Variants in SOX13 observed in about 807,000 individuals in gnomAD.
The protein encoded by SOX13 is transcription factor SOX-13.
Under a neutral mutation model 71.8 loss-of-function variants are expected in SOX13, and 28 were observed. The ratio of observed to expected loss-of-function variants is 0.39; its 90% CI spans 0.29 to 0.53. SOX13 has a LOEUF of 0.53. SOX13 is among the 20% of genes least tolerant of loss of function. The pLI, the probability that SOX13 is intolerant of heterozygous loss-of-function variation, is 0.70. For synonymous variants in SOX13, 309 were observed against 317.8 expected, an observed-to-expected ratio of 0.97 and a Z score of 0.29; for missense variants, 627 against 810.3, an observed-to-expected ratio of 0.77 and a Z score of 2.75.
In SOX13 at chr1:204,112,605, G is replaced by T. The variant is rs529579439; in HGVS notation, c.-1-310G>T. ...GTCAGTATCTGGCCTCGTTAGTTGG[G>T]CCGTCAGTCCACTAGTCCCGTAGTC... is the stretch of plus-strand genomic sequence containing the variant. On this transcript the variant is annotated intron_variant, in intron 1 of 13. Coordinates refer to ENST00000367204, the MANE Select transcript of SOX13 (RefSeq NM_005686.3). 9.5e-4 allele frequency among the ~76,000 whole-genome samples: 144 copies of T among 152,160 alleles called. No individual in the cohort carries two copies. In the Middle Eastern group the frequency reaches 0.01, roughly 11 times the overall value.
chr1:204,112,482 G>A (rs1156634205), intron 1 of SOX13, among the ~76,000 whole-genome samples: 1 of 139,934 alleles, frequency 7.1e-6, no homozygotes, highest in African/African-American at 2.6e-5. Context: ...AACATGCACA[G>A]ACACATGCAC....
intron 13 of SOX13, 128 bp downstream of exon 13, chr1:204,124,985 G>T: frequency 1.4e-6 from 1 of 694,342 alleles, no homozygotes; most frequent in Non-Finnish European, 2.5e-6. Flanking sequence ...ATGCGTACGT[G>T]TGTGTGTTAT....
At chr1:204,099,031 G>C (rs1656308870) in intron 1 of SOX13, among the ~76,000 whole-genome samples, 1 of 152,228 alleles carries the variant, frequency 6.6e-6, no homozygotes, top group Non-Finnish European at 1.5e-5. Context: ...TGGTTCCCTT[G>C]ACTTCCATTG....
At chr1:204,075,060 A>G (rs184626911) in intron 1 of SOX13, among the ~76,000 whole-genome samples, 20 of 152,098 alleles carry the variant, frequency 1.3e-4, no homozygotes, top group Admixed American at 1.1e-3. Context: ...GTGGGTCTCT[A>G]CCTCCCGGAG....
intron 1 of SOX13, among the ~76,000 whole-genome samples, chr1:204,103,618 GC>G (rs1388226425): frequency 6.6e-6 from 1 of 152,240 alleles, no homozygotes; most frequent in Non-Finnish European, 1.5e-5. Context: ...CCCCCAAGGG[GC>G]CTTTGACATG....
At chr1:204,120,644 A>G (rs1287175888) in intron 7 of SOX13, among the ~76,000 whole-genome samples, 1 of 152,132 alleles carries the variant, frequency 6.6e-6, no homozygotes, top group Non-Finnish European at 1.5e-5. Context: ...TACTTGCCCA[A>G]ATCCTGCCCA....
chr1:204,119,689 A>C (rs1278317813), intron 7 of SOX13: 1 of 152,254 alleles, frequency 6.6e-6, no homozygotes, highest in Non-Finnish European at 1.5e-5. Flanking sequence ...GCATCAGTTC[A>C]AAAGTTTCAA....
At chr1:204,102,995 G>A (rs1174750161) in intron 1 of SOX13, among the ~76,000 whole-genome samples, 1 of 152,150 alleles carries the variant, frequency 6.6e-6, no homozygotes, top group African/African-American at 2.4e-5. Context: ...GAGGAGAATA[G>A]GGTGTGAGTC....
chr1:204,102,931 A>T (rs1656389461), intron 1 of SOX13, among the ~76,000 whole-genome samples: 2 of 152,096 alleles, frequency 1.3e-5, no homozygotes, highest in Admixed American at 1.3e-4. Context: ...CCTCCCAGCA[A>T]TGCTGGGTCA....
intron 7 of SOX13, among the ~76,000 whole-genome samples, chr1:204,121,572 C>A (rs1222330671): frequency 6.6e-6 from 1 of 151,996 alleles, no homozygotes; most frequent in Non-Finnish European, 1.5e-5. Context: ...CCAGTAGGTA[C>A]AAAATAAAAG....
At chr1:204,085,100 C>G (rs1655989295) in intron 1 of SOX13, among the ~76,000 whole-genome samples, 1 of 152,142 alleles carries the variant, frequency 6.6e-6, no homozygotes, top group African/African-American at 2.4e-5. Flanking sequence ...CAGGGTGTGG[C>G]AACCCTCCTT....
At chr1:204,114,162 G>A (rs1656641918) in intron 2 of SOX13, among the ~76,000 whole-genome samples, 159 bp from the exon 3 acceptor site, 1 of 152,224 alleles carries the variant, frequency 6.6e-6, no homozygotes. Flanking sequence ...CCTAAACAAA[G>A]CTTGGGCAGG....
chr1:204,077,753 C>T (rs1655812511), intron 1 of SOX13, among the ~76,000 whole-genome samples: 1 of 152,134 alleles, frequency 6.6e-6, no homozygotes, highest in East Asian at 1.9e-4. Flanking sequence ...TCTTTATCTT[C>T]CATTTGTTTT....
intron 1 of SOX13, among the ~76,000 whole-genome samples, chr1:204,102,613 A>C (rs544808737): frequency 1.3e-5 from 2 of 151,396 alleles, no homozygotes; most frequent in African/African-American, 4.9e-5. Context: ...GGAGACCTAC[A>C]TGGAGCAGAT....
rs1656830019 is a variant in SOX13 at position 204,122,458 on chromosome 1, T to C, written c.1024+59T>C. ...CCCTCTTAGGGGAGAGCCGGCGGCA[T>C]GATGCGACCTTGAGCAGGTCCCTTC... On this transcript the variant is annotated intron_variant, in intron 9 of 13. Coordinates refer to ENST00000367204, the MANE Select transcript of SOX13 (RefSeq NM_005686.3). 3.6e-6 allele frequency: 5 copies of C among 1,408,052 alleles called. No individual in the cohort carries two copies. The South Asian group carries it at 5.0e-5, about 14-fold the overall frequency. The allele number at this position is 1,408,052 out of a possible 1,614,324, so 87.2% of individuals were successfully genotyped here.
intron 1 of SOX13, among the ~76,000 whole-genome samples, chr1:204,086,973 A>T (rs1217893585): frequency 6.7e-6 from 1 of 150,250 alleles, no homozygotes; most frequent in Non-Finnish European, 1.5e-5. Flanking sequence ...CCCAGGCTGG[A>T]GTGCAGTGGC....
intron 1 of SOX13, among the ~76,000 whole-genome samples, chr1:204,090,405 C>G (rs967356714): frequency 1.5e-5 from 2 of 131,466 alleles, no homozygotes; most frequent in Non-Finnish European, 3.2e-5. Context: ...ACTTCTTCTT[C>G]TTCTTTTTTT....
intron 1 of SOX13, among the ~76,000 whole-genome samples, chr1:204,077,509 A>C (rs1047728122): frequency 6.6e-6 from 1 of 152,214 alleles, no homozygotes; most frequent in African/African-American, 2.4e-5. Context: ...ACCATCCCCC[A>C]AAACCTCCCA....
chr1:204,115,492 T>TAAAA lies in SOX13; in HGVS notation c.418+905_418+908dup, dbSNP rs71145062. Among the ~76,000 whole-genome samples, 408 of 49,948 alleles carry TAAAA rather than the reference T, an allele frequency of 8.2e-3. 8 individuals are homozygous for TAAAA. Among genetic ancestry groups the TAAAA allele is most frequent in the African/African-American group, 0.025 (342 of 13,844 alleles). The allele number at this position is 49,948 out of a possible 152,430, so 32.8% of individuals were successfully genotyped here. On this transcript the variant is annotated intron_variant, in intron 4 of 13. Transcript: ENST00000367204. ...CCGATGTTGTTTTTTTTTTTTTTTTTAAAAAAAAAAAAAAAAAAAAAGGTC... is the reference window on the plus strand; with the variant it reads ...CCGATGTTGTTTTTTTTTTTTTTTTTAAAAAAAAAAAAAAAAAAAAAAAAAGGTC...
Sources: gnomAD v4.1 joint callset for allele counts (sites outside exome capture counted in the v4.1 genomes callset) on GRCh38, gnomAD v4.1.1 for gene constraint, MANE v1.5 for transcripts, NCBI Gene and HGNC (gene_info 2026-07-23, HGNC 2026-07-21) for gene names.